BCR: variants seen among roughly 807,000 people sequenced by gnomAD.
BCR encodes breakpoint cluster region protein.
A neutral mutation model predicts 138.6 loss-of-function variants in BCR; 58 were observed. The observed-to-expected ratio is 0.42, with a 90% CI of 0.34 to 0.52. The LOEUF is 0.52. Ranked by LOEUF, BCR falls within the 20% of genes least tolerant of loss-of-function variation. The pLI is 0.06. For synonymous variants in BCR, 786 were observed against 730.1 expected, an observed-to-expected ratio of 1.08 and a Z score of -1.23; for missense variants, 1,599 against 1,727.2, an observed-to-expected ratio of 0.93 and a Z score of 1.32.
In BCR at chr22:23,263,277, C is replaced by T. The variant is rs546827867; in HGVS notation, c.1752+1737C>T. On this transcript the variant is annotated intron_variant, in intron 4 of 22. Coordinates refer to ENST00000305877, the MANE Select transcript of BCR (RefSeq NM_004327.4). ...CTACCTCGACATGCGGGCCCTCGGC[C>T]GCCTGGCCCAGGTGTACCGCTGGCT... 6.6e-5 allele frequency: 75 copies of T among 1,129,602 alleles called. No individual in the cohort carries two copies. The African/African-American group carries it at 8.4e-4, about 13-fold the overall frequency. 70.0% of individuals were successfully genotyped at this position (1,129,602 alleles called of 1,614,324 possible).
At chr22:23,208,724 G>A (rs1032352205) in intron 1 of BCR, among the ~76,000 whole-genome samples, 6 of 152,110 alleles carry the variant, frequency 3.9e-5, no homozygotes, top group African/African-American at 1.4e-4. Flanking sequence ...GCATGGTAGC[G>A]GGCGCCTGTA....
chr22:23,238,442 C>T (rs114053696), intron 1 of BCR, among the ~76,000 whole-genome samples: 189 of 152,180 alleles, frequency 1.2e-3, no homozygotes, highest in African/African-American at 4.3e-3. Flanking sequence ...GAATACAAAA[C>T]GTCACTCCCC....
chr22:23,275,835 G>A (rs543146647), intron 8 of BCR, among the ~76,000 whole-genome samples: 1 of 152,224 alleles, frequency 6.6e-6, no homozygotes, highest in Non-Finnish European at 1.5e-5. Flanking sequence ...CCTGGGAAGT[G>A]AGTGTGGGCG....
In BCR at chr22:23,249,604, G is replaced by C. The variant is rs547829692; in HGVS notation, c.1280-4195G>C. Among the ~76,000 whole-genome samples the C allele has an allele frequency of 5.3e-5, 8 of 151,868 alleles. No homozygotes were observed. In the South Asian group the frequency reaches 6.2e-4, roughly 12 times the overall value. The stretch of plus-strand genomic sequence containing the variant: ...TGTCGCTGAAAATAAAATCACGGGT[G>C]GGGGGTGGTGCTTTGTGTACTTAGG... On this transcript the variant is annotated intron_variant, in intron 1 of 22. Transcript: ENST00000305877.
At chr22:23,194,014 C>T (rs1322215422) in intron 1 of BCR, among the ~76,000 whole-genome samples, 2 of 152,196 alleles carry the variant, frequency 1.3e-5, no homozygotes, top group South Asian at 2.1e-4. Flanking sequence ...CCCTGAGGCA[C>T]GGAGGTGGTT....
At chr22:23,197,327 G>A (rs1457764675) in intron 1 of BCR, among the ~76,000 whole-genome samples, 1 of 152,124 alleles carries the variant, frequency 6.6e-6, no homozygotes, top group Non-Finnish European at 1.5e-5. Flanking sequence ...TTTGCATGAA[G>A]ATGACATTGC....
chr22:23,309,022 C>G (rs951887829), intron 16 of BCR, among the ~76,000 whole-genome samples: 4 of 152,176 alleles, frequency 2.6e-5, no homozygotes, highest in Non-Finnish European at 5.9e-5. Context: ...GTCCACAATT[C>G]CCCAGACAGC....
chr22:23,290,618 C>T, intron 14 of BCR: 1 of 566,140 alleles, frequency 1.8e-6, no homozygotes. Context: ...TCTGCCCTCT[C>T]CCCTAGCCTG....
intron 12 of BCR, among the ~76,000 whole-genome samples, 195 bp downstream of exon 12, chr22:23,288,367 C>T (rs1451108111): frequency 1.3e-5 from 2 of 152,034 alleles, no homozygotes; most frequent in Non-Finnish European, 2.9e-5. Context: ...CCCCTGCCAG[C>T]CTATCCTGCC....
At chr22:23,225,776 T>C (rs2072884246) in intron 1 of BCR, among the ~76,000 whole-genome samples, 1 of 152,192 alleles carries the variant, frequency 6.6e-6, no homozygotes, top group African/African-American at 2.4e-5. Flanking sequence ...AAGGCAGTCA[T>C]CCAAGACTCC....
intron 1 of BCR, among the ~76,000 whole-genome samples, chr22:23,183,696 CAGTGCCATGGT>C (rs1188774562): frequency 3.9e-5 from 6 of 152,206 alleles, no homozygotes; most frequent in Non-Finnish European, 8.8e-5. Context: ...AACTGGCCCT[CAGTGCCATGGT>C]GCAGGAGAGT....
chr22:23,265,216 G>T (rs778551952), intron 4 of BCR, among the ~76,000 whole-genome samples: 1 of 152,224 alleles, frequency 6.6e-6, no homozygotes, highest in Non-Finnish European at 1.5e-5. Context: ...ACCTTCATGC[G>T]TCAGATGATG....
intron 1 of BCR, among the ~76,000 whole-genome samples, chr22:23,239,946 G>A (rs1440275074): frequency 6.6e-6 from 1 of 152,022 alleles, no homozygotes; most frequent in Non-Finnish European, 1.5e-5. Context: ...AGCCTCCCAA[G>A]TAGCTGAAAA....
intron 16 of BCR, among the ~76,000 whole-genome samples, chr22:23,307,360 T>G (rs1602129806): frequency 6.6e-6 from 1 of 151,966 alleles, no homozygotes; most frequent in East Asian, 1.9e-4. Context: ...TGCCTCGGCC[T>G]TTCAAAGTGC....
chr22:23,208,737 C>T, intron 1 of BCR, among the ~76,000 whole-genome samples: 1 of 152,156 alleles, frequency 6.6e-6, no homozygotes, highest in East Asian at 1.9e-4. Flanking sequence ...CGCCTGTAAT[C>T]CCAGCTCCTC....
At chr22:23,262,140 G>A (rs2073368236) in intron 4 of BCR, 1 of 142,194 alleles carries the variant, frequency 7.0e-6, no homozygotes, top group Admixed American at 7.0e-5. Context: ...ATCACACCCT[G>A]TGTGCACACA....
At chr22:23,273,198 G>C in intron 7 of BCR, 65 bp downstream of exon 7, 2 of 1,538,804 alleles carry the variant, frequency 1.3e-6, no homozygotes, top group Non-Finnish European at 1.8e-6. Context: ...CAGCAACAAT[G>C]TTCTGAGACC....
Position 23,181,350 on chromosome 22 carries a change from C to G in BCR, c.390C>G (p.Thr130=). 6.7e-7 allele frequency: 1 copy of G among 1,501,136 alleles called. No individual in the cohort carries two copies. Among genetic ancestry groups the G allele is most frequent in the East Asian group, 2.4e-5 (1 of 41,814 alleles). The allele number at this position is 1,501,136 out of a possible 1,614,324, so 93.0% of individuals were successfully genotyped here. A position where few individuals can be genotyped will look rare whatever the true frequency, so the allele number is the denominator to read the frequency against. The change falls in exon 1 of 23, where the codon ACC becomes ACG. Residue 130 remains threonine (T), a synonymous_variant. Coordinates refer to ENST00000305877, the MANE Select transcript of BCR (RefSeq NM_004327.4). ...CTCCGGGTAAGGCCAGGCCCGGGAC[C>G]GCCCGCAGGCCCGGGGCAGCCGCGT... ...EGSPGKARPG[T]ARRPGAAASG...
chr22:23,213,342 C>T (rs1264088881), intron 1 of BCR, among the ~76,000 whole-genome samples: 1 of 152,176 alleles, frequency 6.6e-6, no homozygotes, highest in African/African-American at 2.4e-5. Flanking sequence ...AGTGAGCCTC[C>T]GTGCAGGAGT....
Sources: allele counts gnomAD v4.1 joint callset (sites outside exome capture counted in the v4.1 genomes callset), GRCh38; gene constraint gnomAD v4.1.1; transcripts MANE v1.5; gene names NCBI Gene and HGNC (gene_info 2026-07-23, HGNC 2026-07-21).